NRXN2: variants seen among roughly 807,000 people sequenced by gnomAD.
NRXN2 encodes neurexin-2-beta.
Under a neutral mutation model 128.8 loss-of-function variants are expected in NRXN2, and 29 were observed. The observed-to-expected ratio is 0.23, with a 90% CI of 0.17 to 0.31. The LOEUF is 0.31. NRXN2 is among the 10% of genes least tolerant of loss of function. The pLI, the probability that NRXN2 is intolerant of heterozygous loss-of-function variation, is 1.00. For missense variants in NRXN2, 1,881 were observed against 2,452.6 expected, an observed-to-expected ratio of 0.77 and a Z score of 4.92; for synonymous variants, 1,098 against 1,075.2, an observed-to-expected ratio of 1.02 and a Z score of -0.41.
rs188883718 is a variant in NRXN2 at position 64,687,120 on chromosome 11, A to C, written c.851-1173T>G. Among the ~76,000 whole-genome samples, 514 of 152,320 alleles carry C rather than the reference A, an allele frequency of 3.4e-3. 2 individuals carry two copies. Among genetic ancestry groups the C allele is most frequent in the Non-Finnish European group, 5.7e-3 (387 of 68,022 alleles). On this transcript the variant is annotated intron_variant, in intron 5 of 22. Transcript: ENST00000265459. ...TCACTGGACAGGTGCAGGGCAAACA[A>C]CACTGGCCGTGAGGGTCTTTATGAA...
At chr11:64,645,230 G>T (rs2046458806) in intron 17 of NRXN2, among the ~76,000 whole-genome samples, 1 of 152,182 alleles carries the variant, frequency 6.6e-6, no homozygotes, top group Admixed American at 6.5e-5. Flanking sequence ...TGGTTCCACA[G>T]GGAGGGAGGG....
chr11:64,716,339 A>G (rs1018187630), intron 1 of NRXN2, among the ~76,000 whole-genome samples: 5 of 150,760 alleles, frequency 3.3e-5, no homozygotes, highest in African/African-American at 1.2e-4. Flanking sequence ...ACCACCCTTT[A>G]GGGAGATGGC....
intron 2 of NRXN2, 127 bp from the exon 3 acceptor site, chr11:64,697,919 T>C: frequency 9.3e-7 from 1 of 1,075,866 alleles, no homozygotes; most frequent in South Asian, 1.3e-5. Context: ...GGCCCTGACA[T>C]GAGTCACCCA....
rs1241707447 is a variant in NRXN2, at chr11:64,606,364, G to A, written c.*832C>T. The A allele has an allele frequency of 6.5e-6, 1 of 152,680 alleles. No individual in the cohort carries two copies. Among genetic ancestry groups the A allele is most frequent in the Non-Finnish European group, 1.5e-5 (1 of 68,062 alleles). 9.5% of individuals were successfully genotyped at this position (152,680 alleles called of 1,614,324 possible). A position where few individuals can be genotyped will look rare whatever the true frequency, so the allele number is the denominator to read the frequency against. ...CCCTCTTCCCTGCTGCCCGCGCCCA[G>A]CGGGTGCCACAGGCTGCTGCTCGTG... On this transcript the variant is annotated 3_prime_UTR_variant, in exon 23 of 23. Coordinates refer to ENST00000265459, the MANE Select transcript of NRXN2 (RefSeq NM_015080.4).
chr11:64,711,467 A>G (rs2056883137), intron 2 of NRXN2, among the ~76,000 whole-genome samples: 1 of 151,840 alleles, frequency 6.6e-6, no homozygotes, highest in African/African-American at 2.4e-5. Context: ...GGCTCCTCCC[A>G]GTGCTTCCTC....
chr11:64,686,008 T>C (rs1389999132), intron 5 of NRXN2, 61 bp from the exon 6 acceptor site: 1 of 1,584,118 alleles, frequency 6.3e-7, no homozygotes, highest in Non-Finnish European at 8.7e-7. Flanking sequence ...CACCAGTGCT[T>C]CCCTCTCCCC....
At position 64,648,115 on chromosome 11, in the gene NRXN2, C is replaced by T. The variant is rs939960100; in HGVS notation, c.3403+104G>A. 4.6e-6 allele frequency: 7 copies of T among 1,510,870 alleles called. No individual in the cohort carries two copies. In the Admixed American group the frequency reaches 1.0e-4, roughly 22 times the overall value. 93.6% of individuals were successfully genotyped at this position (1,510,870 alleles called of 1,614,324 possible). ...AAGGGATGAGAAGGAAGAAGCAGCA[C>T]AGCTCCTGAATGCTCAGAGGCCCTG... On this transcript the variant is annotated intron_variant, in intron 17 of 22. Transcript: ENST00000265459. The surrounding 1 kb of genome is among the most constrained non-coding windows in gnomAD (Gnocchi z 4.1).
chr11:64,661,392 G>C, intron 9 of NRXN2: 1 of 1,403,210 alleles, frequency 7.1e-7, no homozygotes, highest in Non-Finnish European at 9.3e-7. Flanking sequence ...GTGGGCCTCT[G>C]TCCATACCCC....
chr11:64,693,000 T>A, intron 3 of NRXN2, 124 bp from the exon 4 acceptor site: 1 of 840,976 alleles, frequency 1.2e-6, no homozygotes, highest in Non-Finnish European at 1.9e-6. Context: ...AGAAAAAAGC[T>A]TTTGCTGCCA....
intron 7 of NRXN2, among the ~76,000 whole-genome samples, chr11:64,670,885 C>T (rs2050543058): frequency 6.6e-6 from 1 of 152,180 alleles, no homozygotes; most frequent in Non-Finnish European, 1.5e-5. Flanking sequence ...CTTCAGCCCA[C>T]CTGAGCCCCT....
intron 22 of NRXN2, among the ~76,000 whole-genome samples, chr11:64,612,458 C>A (rs1333917652): frequency 1.3e-5 from 2 of 152,180 alleles, no homozygotes; most frequent in African/African-American, 4.8e-5. Context: ...AGATGCCACC[C>A]GCCCACCCAA....
Position 64,660,978 on chromosome 11 carries a change from A to G in NRXN2, c.1960T>C (p.Tyr654His), listed in dbSNP as rs1432180450. ...AAGAGGTCCCGCACACAGCCCACGT[A>G]GCCTGCCCGGAGTGCTGCTGTCCAC... is the stretch of plus-strand genomic sequence containing the variant. Reference protein sequence around the residue: ...EVWTAALRAGYVGCVRDLFID... With the variant: ...EVWTAALRAGHVGCVRDLFID... The change falls in exon 10 of 23, where the codon TAC becomes CAC. Residue 654 changes from tyrosine (Y) to histidine (H), a missense_variant. Transcript: ENST00000265459. The surrounding 1 kb of genome is among the most constrained non-coding windows in gnomAD (Gnocchi z 5.2). The G allele has an allele frequency of 1.9e-6, 3 of 1,613,732 alleles. No homozygotes were observed. Among genetic ancestry groups the G allele is most frequent in the African/African-American group, 1.3e-5 (1 of 74,942 alleles).
At chr11:64,652,203 G>A (rs1178196170) in intron 12 of NRXN2, 49 bp from the exon 13 acceptor site, 4 of 1,577,910 alleles carry the variant, frequency 2.5e-6, no homozygotes, top group Non-Finnish European at 8.6e-7. Flanking sequence ...ATGCTCATAG[G>A]TGACTTCCTA....
At chr11:64,652,329 C>CA (rs1166650581) in intron 12 of NRXN2, among the ~76,000 whole-genome samples, 175 bp from the exon 13 acceptor site, 1 of 152,140 alleles carries the variant, frequency 6.6e-6, no homozygotes, top group Non-Finnish European at 1.5e-5. Context: ...CAAGTACACA[C>CA]ACTTATAGCC....
At chr11:64,699,376 C>T (rs1481955302) in intron 2 of NRXN2, among the ~76,000 whole-genome samples, 1 of 150,770 alleles carries the variant, frequency 6.6e-6, no homozygotes, top group African/African-American at 2.4e-5. Context: ...CACAGAGCTG[C>T]TTCTACCTGA....
chr11:64,690,977 GA>G (rs2053736012), intron 4 of NRXN2, among the ~76,000 whole-genome samples: 1 of 152,254 alleles, frequency 6.6e-6, no homozygotes, highest in African/African-American at 2.4e-5. Flanking sequence ...CCCTCCTCCA[GA>G]AACTTCTCCA....
At chr11:64,701,935 C>T (rs578044747) in intron 2 of NRXN2, among the ~76,000 whole-genome samples, 10 of 144,916 alleles carry the variant, frequency 6.9e-5, no homozygotes, top group Admixed American at 4.7e-4. Flanking sequence ...GGCCAGCCGC[C>T]CCGTCCAGGA....
At chr11:64,708,894 A>T (rs1414060635) in intron 2 of NRXN2, among the ~76,000 whole-genome samples, 2 of 152,170 alleles carry the variant, frequency 1.3e-5, no homozygotes, top group Non-Finnish European at 2.9e-5. Context: ...ACTGACTTTT[A>T]AAAATGTCCT....
chr11:64,710,460 A>G (rs1254298078), intron 2 of NRXN2, among the ~76,000 whole-genome samples: 1 of 152,166 alleles, frequency 6.6e-6, no homozygotes, highest in East Asian at 1.9e-4. Context: ...CCTCTGGCCA[A>G]TGAATCCTCT....
Sources: gnomAD v4.1 joint callset for allele counts (sites outside exome capture counted in the v4.1 genomes callset) on GRCh38, gnomAD v4.1.1 for gene constraint, Gnocchi (gnomAD v3.1) non-coding constraint, MANE v1.5 for transcripts, NCBI Gene and HGNC (gene_info 2026-07-23, HGNC 2026-07-21) for gene names.